Variants in IL2RB observed in about 807,000 individuals in gnomAD.
IL2RB encodes the protein interleukin 2 receptor subunit beta.
Under a neutral mutation model 44.2 loss-of-function variants are expected in IL2RB, and 17 were observed. That is an observed-to-expected ratio of 0.38 (90% CI 0.26 to 0.58). The LOEUF (loss-of-function observed/expected upper bound fraction) is 0.58. IL2RB is among the 20% of genes least tolerant of loss of function. IL2RB has a pLI of 0.63. For synonymous variants in IL2RB, 286 were observed against 297.9 expected, an observed-to-expected ratio of 0.96 and a Z score of 0.41; for missense variants, 624 against 685.5, an observed-to-expected ratio of 0.91 and a Z score of 1.00.
At chr22:37,164,035 C>CACATG (rs1922975746) in intron 1 of IL2RB, among the ~76,000 whole-genome samples, 1 of 152,226 alleles carries the variant, frequency 6.6e-6, no homozygotes, top group African/African-American at 2.4e-5. Flanking sequence ...CTGTGGGTTG[C>CACATG]ACATGGGACC....
intron 1 of IL2RB, among the ~76,000 whole-genome samples, chr22:37,163,524 G>A (rs552823556): frequency 6.6e-6 from 1 of 152,304 alleles, no homozygotes; most frequent in Non-Finnish European, 1.5e-5. Context: ...GACTGGCTTG[G>A]GTTGGATGAT....
At chr22:37,171,018 C>G (rs1465373902) in intron 1 of IL2RB, among the ~76,000 whole-genome samples, 1 of 152,030 alleles carries the variant, frequency 6.6e-6, no homozygotes, top group Non-Finnish European at 1.5e-5. Context: ...GAGGCTCGCT[C>G]TGTTGCCCAG....
At chr22:37,140,749 T>G (rs1173960721) in intron 4 of IL2RB, among the ~76,000 whole-genome samples, 1 of 152,076 alleles carries the variant, frequency 6.6e-6, no homozygotes, top group Non-Finnish European at 1.5e-5. Flanking sequence ...GACAATAATT[T>G]GATGTACACT....
intron 1 of IL2RB, among the ~76,000 whole-genome samples, chr22:37,169,238 G>T (rs925027100): frequency 6.6e-6 from 1 of 151,334 alleles, no homozygotes; most frequent in South Asian, 2.1e-4. Flanking sequence ...AGGGGTTCTT[G>T]CTTACAGAGG....
chr22:37,156,998 A>C (rs1238337137), intron 1 of IL2RB, among the ~76,000 whole-genome samples: 1 of 151,998 alleles, frequency 6.6e-6, no homozygotes, highest in African/African-American at 2.4e-5. Flanking sequence ...TCCTGCCCCC[A>C]CAGTGCCAGG....
intron 1 of IL2RB, among the ~76,000 whole-genome samples, chr22:37,160,549 C>T (rs1922822044): frequency 6.6e-6 from 1 of 152,098 alleles, no homozygotes; most frequent in African/African-American, 2.4e-5. Flanking sequence ...CACCATACTA[C>T]CAGGAAACTC....
intron 8 of IL2RB, 144 bp from the exon 9 acceptor site, chr22:37,132,612 C>T (rs1456108611): frequency 3.1e-6 from 2 of 639,924 alleles, no homozygotes; most frequent in Non-Finnish European, 5.6e-6. Flanking sequence ...TAAGTGTTCA[C>T]TGTGGGAGGA....
chr22:37,165,721 T>C (rs1324884863), intron 1 of IL2RB, among the ~76,000 whole-genome samples: 1 of 151,886 alleles, frequency 6.6e-6, no homozygotes, highest in African/African-American at 2.4e-5. Flanking sequence ...TATTATTGTT[T>C]GTGGGGTTGG....
intron 1 of IL2RB, among the ~76,000 whole-genome samples, chr22:37,169,458 C>T (rs1923201319): frequency 6.6e-6 from 1 of 152,134 alleles, no homozygotes; most frequent in African/African-American, 2.4e-5. Flanking sequence ...GGGACGCTGC[C>T]ATGTCATCCT....
chr22:37,140,671 C>G (rs1921919888), intron 4 of IL2RB, among the ~76,000 whole-genome samples: 1 of 109,448 alleles, frequency 9.1e-6, no homozygotes, highest in Non-Finnish European at 1.7e-5. Context: ...CTCAAGAAGA[C>G]ATATAACCTG....
chr22:37,131,846 CCT>C (rs1290525290), intron 9 of IL2RB, among the ~76,000 whole-genome samples: 1 of 152,098 alleles, frequency 6.6e-6, no homozygotes, highest in Non-Finnish European at 1.5e-5. Flanking sequence ...AAGCGATTCC[CCT>C]GTCTCAGCCT....
At position 37,135,346 on chromosome 22, in the gene IL2RB, C is replaced by T; in HGVS notation, c.800G>A (p.Cys267Tyr). The change falls in exon 8 of 10, where the codon TGC (cysteine) becomes TAC (tyrosine). Residue 267 changes from cysteine (C) to tyrosine (Y), a missense_variant. Transcript: ENST00000216223. The stretch of plus-strand genomic sequence containing the variant: ...TTCTTACCATGGCCCGGTGTTCCTG[C>T]AGTTGATCAGCAAGTACACTAAGAT... ...FIILVYLLIN[C>Y]RNTGPWLKKV... The T allele has an allele frequency of 9.3e-6, 15 of 1,613,542 alleles. No individual in the cohort carries two copies. Among genetic ancestry groups the T allele is most frequent in the Non-Finnish European group, 1.2e-5 (14 of 1,179,536 alleles).
In IL2RB at chr22:37,133,102, G is replaced by A. The variant is rs576024616; in HGVS notation, c.819-634C>T. Reference sequence around the variant, plus strand: ...CACACAGCTGGTGGAGGCCCTCAAGGGCCAGGGTGTACTGCAGCGCAGTGA... The same window carrying A: ...CACACAGCTGGTGGAGGCCCTCAAGAGCCAGGGTGTACTGCAGCGCAGTGA... On this transcript the variant is annotated intron_variant, in intron 8 of 9. Coordinates refer to ENST00000216223, the MANE Select transcript of IL2RB (RefSeq NM_000878.5). Among the ~76,000 whole-genome samples, 320 of 152,322 alleles carry A rather than the reference G, an allele frequency of 2.1e-3. 2 individuals carry two copies. The highest frequency in any genetic ancestry group is 0.014 in the Middle Eastern group (4 of 294).
chr22:37,154,915 T>G (rs1173180858), upstream of IL2RB, among the ~76,000 whole-genome samples: 1 of 152,102 alleles, frequency 6.6e-6, no homozygotes. Flanking sequence ...CCTGCCAGAA[T>G]CCAGTGAAGT....
intron 4 of IL2RB, 114 bp downstream of exon 4, chr22:37,142,320 G>T: frequency 1.0e-6 from 1 of 959,802 alleles, no homozygotes; most frequent in Non-Finnish European, 1.6e-6. Flanking sequence ...CTTAGCCACA[G>T]CCCCAGCCAT....
chr22:37,162,968 C>T (rs2145737919), intron 1 of IL2RB, among the ~76,000 whole-genome samples: 1 of 152,340 alleles, frequency 6.6e-6, no homozygotes, highest in Middle Eastern at 3.4e-3. Flanking sequence ...CAGTCCCACC[C>T]CTGTCCCCAG....
In IL2RB at chr22:37,136,326, G is replaced by A; in HGVS notation, c.605C>T (p.Thr202Ile). ...GACCCGCACCTGAAACTCATACTGGGTGTCTGGGGTGAGCGTCTCCAGGCA... is the reference window on the plus strand; with the variant it reads ...GACCCGCACCTGAAACTCATACTGGATGTCTGGGGTGAGCGTCTCCAGGCA... The part of the protein sequence containing the change: ...WICLETLTPD[T>I]QYEFQVRVKP... The change falls in exon 7 of 10, where the codon ACC becomes ATC. Residue 202 changes from threonine (T) to isoleucine (I), a missense_variant. Coordinates refer to ENST00000216223, the MANE Select transcript of IL2RB (RefSeq NM_000878.5). 6.2e-7 allele frequency: 1 copy of A among 1,613,206 alleles called. No individual in the cohort carries two copies. The highest frequency in any genetic ancestry group is 8.5e-7 in the Non-Finnish European group (1 of 1,179,738).
At chr22:37,136,163 G>A (rs1175087102) in intron 7 of IL2RB, 65 bp downstream of exon 7, 2 of 1,512,600 alleles carry the variant, frequency 1.3e-6, no homozygotes, top group African/African-American at 1.4e-5. Flanking sequence ...AGAGAATGGA[G>A]CAGCTCCTCC....
In IL2RB at chr22:37,140,812, A is replaced by G. The variant is rs150249685; in HGVS notation, c.283-1590T>C. On this transcript the variant is annotated intron_variant, in intron 4 of 9. Transcript: ENST00000216223. Reference sequence around the variant, plus strand: ...AGAGGCAGCCTAATGCAACGGTGAGAAGCCTGAACTGGGAGCCCGCAGGCC... The same window carrying G: ...AGAGGCAGCCTAATGCAACGGTGAGGAGCCTGAACTGGGAGCCCGCAGGCC... Among the ~76,000 whole-genome samples, 60 of 152,296 alleles carry G rather than the reference A, an allele frequency of 3.9e-4. 1 individual carries two copies. In the East Asian group the frequency reaches 0.012, roughly 29 times the overall value.
Sources: gnomAD v4.1 joint callset for allele counts (sites outside exome capture counted in the v4.1 genomes callset) on GRCh38, gnomAD v4.1.1 for gene constraint, MANE v1.5 for transcripts, NCBI Gene and HGNC (gene_info 2026-07-23, HGNC 2026-07-21) for gene names.